GRIK5: variants seen among roughly 807,000 people sequenced by gnomAD.
The protein encoded by GRIK5 is glutamate ionotropic receptor kainate type subunit 5.
Under a neutral mutation model 97.4 loss-of-function variants are expected in GRIK5, and 43 were observed. The observed-to-expected ratio is 0.44, with a 90% CI of 0.35 to 0.57. The LOEUF is 0.57. Among genes scored for constraint, GRIK5 ranks in the 20% least tolerant of loss-of-function variants. The probability of loss-of-function intolerance (pLI) is 0.01; values close to 1 mark genes in which losing one functional copy is unlikely to be tolerated. For synonymous variants in GRIK5, 580 were observed against 583.5 expected, an observed-to-expected ratio of 0.99 and a Z score of 0.09; for missense variants, 1,015 against 1,382.0, an observed-to-expected ratio of 0.73 and a Z score of 4.21.
At chr19:42,031,658 G>A (rs2075842354) in intron 12 of GRIK5, among the ~76,000 whole-genome samples, 1 of 152,182 alleles carries the variant, frequency 6.6e-6, no homozygotes, top group African/African-American at 2.4e-5. Context: ...GCTAAAAGCC[G>A]ATAAAAACAC....
At chr19:42,007,315 G>A (rs1051683035) in intron 15 of GRIK5, among the ~76,000 whole-genome samples, 32 of 151,612 alleles carry the variant, frequency 2.1e-4, no homozygotes, top group Non-Finnish European at 4.1e-4. Flanking sequence ...GGCTGGTCTC[G>A]AACTCCTGAC....
intron 6 of GRIK5, among the ~76,000 whole-genome samples, chr19:42,057,515 C>G (rs149170372): frequency 1.3e-5 from 2 of 152,192 alleles, no homozygotes; most frequent in African/African-American, 4.8e-5. Context: ...GAATCATAGG[C>G]ATGTACCACA....
At chr19:42,051,067 C>T (rs1463811883) in intron 11 of GRIK5, among the ~76,000 whole-genome samples, 1 of 152,188 alleles carries the variant, frequency 6.6e-6, no homozygotes, top group Non-Finnish European at 1.5e-5. Flanking sequence ...CCTCTGTCCG[C>T]AGCAGAGAGA....
intron 5 of GRIK5, among the ~76,000 whole-genome samples, chr19:42,060,580 T>C (rs1450795636): frequency 3.0e-5 from 4 of 131,572 alleles, no homozygotes; most frequent in East Asian, 2.1e-4. Flanking sequence ...AATAAATACC[T>C]TTTTTTTTTT....
intron 1 of GRIK5, among the ~76,000 whole-genome samples, chr19:42,067,500 G>A (rs1471679540): frequency 1.3e-5 from 2 of 152,160 alleles, no homozygotes; most frequent in East Asian, 1.9e-4. Context: ...TGGGAGACCC[G>A]GAGGAGCGCT....
chr19:42,034,959 T>G (rs577399803), intron 12 of GRIK5, among the ~76,000 whole-genome samples: 1 of 152,114 alleles, frequency 6.6e-6, no homozygotes, highest in East Asian at 1.9e-4. Flanking sequence ...TCAGTAGTTA[T>G]TCAGTAAGTG....
At chr19:42,039,656 A>G (rs942127206) in intron 12 of GRIK5, among the ~76,000 whole-genome samples, 8 of 152,192 alleles carry the variant, frequency 5.3e-5, no homozygotes, top group African/African-American at 1.9e-4. Flanking sequence ...TGGAAAATGG[A>G]TGAACACACA....
chr19:42,055,913 A>G (rs2076177612), intron 8 of GRIK5, among the ~76,000 whole-genome samples: 2 of 152,080 alleles, frequency 1.3e-5, no homozygotes, highest in South Asian at 4.2e-4. Context: ...GAACTCCTGG[A>G]CTAAAGTGAT....
At chr19:42,064,269 C>T (rs1351649147) in intron 3 of GRIK5, among the ~76,000 whole-genome samples, 1 of 152,180 alleles carries the variant, frequency 6.6e-6, no homozygotes. Context: ...AAGGTGGCAT[C>T]TTTCACCCTG....
rs137866540 is a variant in GRIK5 at position 42,015,701 on chromosome 19, G to A, written c.1871+5600C>T. Among the ~76,000 whole-genome samples, 720 of 152,218 alleles carry A rather than the reference G, an allele frequency of 4.7e-3. 8 individuals carry two copies. The highest frequency in any genetic ancestry group is 0.016 in the African/African-American group (682 of 41,536). On this transcript the variant is annotated intron_variant, in intron 15 of 19. Transcript: ENST00000593562. ...CTCATTGTCTTGGTGACACAGGACC[G>A]ACCCGGGAGAATAGGCTCCCACCAG... is the stretch of plus-strand genomic sequence containing the variant.
chr19:42,062,429 GAT>G lies in GRIK5; in HGVS notation c.508+57_508+58del. On this transcript the variant is annotated intron_variant, in intron 5 of 19. Transcript: ENST00000593562. The surrounding 1 kb of genome is among the most constrained non-coding windows in gnomAD (Gnocchi z 5.3). ...CAGTGAACCACTGTGTGGGACACCA[GAT>G]CTCTTGGGAAGGGGTGTCTGGGGGA... The G allele has an allele frequency of 1.3e-6, 2 of 1,567,054 alleles. No homozygotes were observed. The highest frequency in any genetic ancestry group is 1.7e-6 in the Non-Finnish European group (2 of 1,145,970).
At position 42,005,774 on chromosome 19, in the gene GRIK5, G is replaced by A; in HGVS notation, c.2212C>T (p.Gln738Ter). The change falls in exon 17 of 20, where the codon CAG (glutamine) becomes TAG (stop). Residue 738 changes from glutamine (Q) to a stop codon, truncating the protein, a stop_gained. Transcript: ENST00000593562. LOFTEE classifies it high-confidence loss of function. Reference sequence around the variant, plus strand: ...TTGGTGTCGAGGAGTCCCCCGATCTGGGTGAGGTTGCAGTTGAGGCGCCGG... The same window carrying A: ...TTGGTGTCGAGGAGTCCCCCGATCTAGGTGAGGTTGCAGTTGAGGCGCCGG... ...YHRRLNCNLTQIGGLLDTKGY... is the reference protein window; with the variant it reads ...YHRRLNCNLT 6.2e-7 allele frequency: 1 copy of A among 1,614,112 alleles called. No individual in the cohort carries two copies. Among genetic ancestry groups the A allele is most frequent in the Non-Finnish European group, 8.5e-7 (1 of 1,179,932 alleles).
intron 11 of GRIK5, among the ~76,000 whole-genome samples, chr19:42,047,618 G>A (rs1019508230): frequency 6.6e-6 from 1 of 152,058 alleles, no homozygotes; most frequent in Non-Finnish European, 1.5e-5. Context: ...CTGTCCTGAA[G>A]GGGGAAGAAT....
intron 15 of GRIK5, among the ~76,000 whole-genome samples, chr19:42,010,579 C>T (rs2146026094): frequency 6.6e-6 from 1 of 152,194 alleles, no homozygotes; most frequent in African/African-American, 2.4e-5. Context: ...CAAAAATATC[C>T]CTCAAAGAAG....
At chr19:42,009,057 T>C (rs1555873453) in intron 15 of GRIK5, among the ~76,000 whole-genome samples, 3 of 151,788 alleles carry the variant, frequency 2.0e-5, no homozygotes, top group African/African-American at 7.2e-5. Flanking sequence ...CCAGACCCTG[T>C]CTCTACAGAA....
chr19:42,061,888 G>A (rs1021434965), intron 5 of GRIK5, among the ~76,000 whole-genome samples: 1 of 152,178 alleles, frequency 6.6e-6, no homozygotes, highest in Non-Finnish European at 1.5e-5. Context: ...GCCCGGCGTG[G>A]GGACTTCCCA....
intron 8 of GRIK5, 106 bp from the exon 9 acceptor site, chr19:42,054,578 C>T: frequency 1.5e-6 from 2 of 1,298,900 alleles, no homozygotes; most frequent in Non-Finnish European, 2.1e-6. Flanking sequence ...TAACTTCCCT[C>T]TCCCCAGGAA....
rs780294123 is a variant in GRIK5, at chr19:42,059,542, G to A, written c.509-15C>T. The stretch of plus-strand genomic sequence containing the variant: ...TCGCAGCAGGCCTGAGGGAGGGGTG[G>A]GGCCTTGGGTTGGAGCCCTTCTGGG... On this transcript the variant is annotated splice_polypyrimidine_tract_variant and intron_variant, in intron 5 of 19. Coordinates refer to ENST00000593562, the MANE Select transcript of GRIK5 (RefSeq NM_002088.5). The A allele has an allele frequency of 6.2e-7, 1 of 1,606,010 alleles. No individual in the cohort carries two copies. Among genetic ancestry groups the A allele is most frequent in the South Asian group, 1.1e-5 (1 of 90,968 alleles).
chr19:42,059,065 C>T (rs2076224906), intron 6 of GRIK5, among the ~76,000 whole-genome samples: 1 of 152,116 alleles, frequency 6.6e-6, no homozygotes, highest in Admixed American at 6.6e-5. Context: ...CAGTCTTGCT[C>T]CTGTCCTGCA....
Sources: allele counts gnomAD v4.1 joint callset (sites outside exome capture counted in the v4.1 genomes callset), GRCh38; gene constraint gnomAD v4.1.1; non-coding constraint Gnocchi (gnomAD v3.1); transcripts MANE v1.5; gene names NCBI Gene and HGNC (gene_info 2026-07-23, HGNC 2026-07-21).